COMMD1: variants seen among roughly 807,000 people sequenced by gnomAD.
COMMD1 encodes COMM domain-containing protein 1.
Under a neutral mutation model 17.2 loss-of-function variants are expected in COMMD1, and 10 were observed. That is an observed-to-expected ratio of 0.58 (90% CI 0.36 to 0.99). The LOEUF (loss-of-function observed/expected upper bound fraction) is 0.99. Ranked by LOEUF, COMMD1 falls within the 50% of genes least tolerant of loss-of-function variation. The pLI is 0.01. For synonymous variants in COMMD1, 97 were observed against 91.6 expected, an observed-to-expected ratio of 1.06 and a Z score of -0.34; for missense variants, 270 against 231.8, an observed-to-expected ratio of 1.17 and a Z score of -1.07.
At chr2:61,952,897 A>T (rs758764199) in intron 1 of COMMD1, among the ~76,000 whole-genome samples, 7 of 152,224 alleles carry the variant, frequency 4.6e-5, no homozygotes, top group Non-Finnish European at 1.0e-4. Flanking sequence ...ACTTTTAAAG[A>T]AACTGATAAA....
chr2:61,988,381 A>G (rs976616218), intron 1 of COMMD1, among the ~76,000 whole-genome samples: 2 of 152,096 alleles, frequency 1.3e-5, no homozygotes, highest in African/African-American at 4.8e-5. Context: ...GAGGTGATGA[A>G]TCCCGCCAGC....
chr2:61,943,261 C>T (rs1224520770), intron 1 of COMMD1, among the ~76,000 whole-genome samples: 4 of 152,206 alleles, frequency 2.6e-5, no homozygotes, highest in Admixed American at 1.3e-4. Flanking sequence ...ACCTGGCATG[C>T]CCTTCCATTA....
chr2:62,069,668 T>G (rs113244705), intron 2 of COMMD1: 1 of 152,166 alleles, frequency 6.6e-6, no homozygotes, highest in Non-Finnish European at 1.5e-5. Flanking sequence ...GCTGGCAGGC[T>G]TATAACAAGA....
chr2:61,930,617 T>TTGTGTGTGTGTG lies in COMMD1; in HGVS notation c.180+24788_180+24799dup, dbSNP rs59488185. ...AGACTATTGGATAAACCACAGGGTT[T>TTGTGTGTGTGTG]TGTGTGTGTGTGTGTGTGTGTGTGT... On this transcript the variant is annotated intron_variant, in intron 1 of 2. Transcript: ENST00000311832. Among the ~76,000 whole-genome samples, 142 of 146,158 alleles carry TTGTGTGTGTGTG rather than the reference T, an allele frequency of 9.7e-4. 1 individual carries two copies. The highest frequency in any genetic ancestry group is 1.3e-3 in the Non-Finnish European group (84 of 66,260).
At chr2:62,101,201 A>G (rs138560671) in intron 2 of COMMD1, among the ~76,000 whole-genome samples, 1 of 152,244 alleles carries the variant, frequency 6.6e-6, no homozygotes, top group Non-Finnish European at 1.5e-5. Flanking sequence ...CTGCATGCCA[A>G]CCAATTCTCT....
rs117729088 is a variant in COMMD1 at position 62,011,403 on chromosome 2, A to G, written c.462+10421A>G. Among the ~76,000 whole-genome samples the G allele has an allele frequency of 1.5e-3, 221 of 152,174 alleles. 4 individuals are homozygous for G. In the East Asian group the frequency reaches 0.038, roughly 26 times the overall value. ...GACAACTGCTGGTCTGCCTTTTGTT[A>G]CTTTAGTTGTTTTTCTTCTTGTTAC... On this transcript the variant is annotated intron_variant, in intron 2 of 2. Transcript: ENST00000311832.
intron 1 of COMMD1, among the ~76,000 whole-genome samples, chr2:61,898,653 G>A (rs1479391886): frequency 1.3e-5 from 2 of 151,960 alleles, no homozygotes; most frequent in Admixed American, 6.6e-5. Flanking sequence ...GTTTTCAGAG[G>A]TGGAAAACCT....
intron 1 of COMMD1, among the ~76,000 whole-genome samples, chr2:61,989,753 C>T (rs1051037962): frequency 2.0e-5 from 3 of 152,118 alleles, no homozygotes; most frequent in African/African-American, 7.2e-5. Flanking sequence ...AGTGAGCCAC[C>T]ACACCCAGGC....
At chr2:62,045,730 A>ATTTTT (rs71410917) in intron 2 of COMMD1, among the ~76,000 whole-genome samples, 70 of 84,898 alleles carry the variant, frequency 8.2e-4, no homozygotes, top group Non-Finnish European at 1.0e-3. Flanking sequence ...TTTCAAGTTA[A>ATTTTT]TTTTTTTTTT....
chr2:62,102,384 C>T (rs1672209324), intron 2 of COMMD1, among the ~76,000 whole-genome samples: 1 of 152,272 alleles, frequency 6.6e-6, no homozygotes, highest in East Asian at 1.9e-4. Flanking sequence ...ACTCTTAATT[C>T]CTCCTGTCAG....
At chr2:62,019,939 A>C (rs1007742973) in intron 2 of COMMD1, among the ~76,000 whole-genome samples, 1 of 152,088 alleles carries the variant, frequency 6.6e-6, no homozygotes, top group Non-Finnish European at 1.5e-5. Flanking sequence ...TCTACAATAC[A>C]CTCTTCAGCC....
intron 2 of COMMD1, among the ~76,000 whole-genome samples, chr2:62,023,891 T>C (rs781412292): frequency 4.6e-5 from 7 of 152,142 alleles, no homozygotes; most frequent in Non-Finnish European, 1.0e-4. Flanking sequence ...TTATATCTAC[T>C]CTATGGAATA....
At chr2:61,984,861 G>A (rs1249902787) in intron 1 of COMMD1, among the ~76,000 whole-genome samples, 2 of 150,028 alleles carry the variant, frequency 1.3e-5, no homozygotes, top group Non-Finnish European at 3.0e-5. Flanking sequence ...ATTTAAAATT[G>A]TTTTATTGTT....
At chr2:61,977,457 T>C (rs1671836110) in intron 1 of COMMD1, among the ~76,000 whole-genome samples, 1 of 150,588 alleles carries the variant, frequency 6.6e-6, no homozygotes, top group Non-Finnish European at 1.5e-5. Flanking sequence ...TTGGTTAGGC[T>C]GGTCTCGAAC....
At chr2:62,068,463 G>C (rs1490640640) in intron 2 of COMMD1, among the ~76,000 whole-genome samples, 1 of 152,088 alleles carries the variant, frequency 6.6e-6, no homozygotes, top group Admixed American at 6.6e-5. Flanking sequence ...TAAAAGAAAA[G>C]TAATAAATTA....
At chr2:61,907,313 G>T (rs957819194) in intron 1 of COMMD1, among the ~76,000 whole-genome samples, 17 of 152,254 alleles carry the variant, frequency 1.1e-4, no homozygotes, top group Admixed American at 4.6e-4. Flanking sequence ...CACTATGTTG[G>T]CCAGGATGGT....
chr2:61,941,562 G>T (rs961424430), intron 1 of COMMD1, among the ~76,000 whole-genome samples: 3 of 152,144 alleles, frequency 2.0e-5, no homozygotes, highest in African/African-American at 7.2e-5. Context: ...TTCATCTGCG[G>T]TGCTCTACTT....
intron 1 of COMMD1, among the ~76,000 whole-genome samples, chr2:61,955,902 G>A (rs1256852932): frequency 2.0e-5 from 3 of 152,158 alleles, no homozygotes. Flanking sequence ...AGCCAGGCTG[G>A]TCTTGAACTC....
chr2:62,080,949 T>C (rs1671498526), intron 2 of COMMD1, among the ~76,000 whole-genome samples: 1 of 152,112 alleles, frequency 6.6e-6, no homozygotes, highest in Non-Finnish European at 1.5e-5. Context: ...CTGGGGAAGG[T>C]TCTGTTAATG....
Sources: gnomAD v4.1 joint callset for allele counts (sites outside exome capture counted in the v4.1 genomes callset) on GRCh38, gnomAD v4.1.1 for gene constraint, MANE v1.5 for transcripts, NCBI Gene and HGNC (gene_info 2026-07-23, HGNC 2026-07-21) for gene names.